Variants in TAOK1 observed in about 807,000 individuals in gnomAD.
TAOK1 encodes the protein TAO kinase 1, also known as serine/threonine-protein kinase TAO1.
In TAOK1, 21 loss-of-function variants were observed where a neutral mutation model predicts 138.3. That is an observed-to-expected ratio of 0.15 (90% CI 0.11 to 0.22). TAOK1 has a LOEUF of 0.22. TAOK1 is among the 10% of genes least tolerant of loss of function. The pLI, the probability that TAOK1 is intolerant of heterozygous loss-of-function variation, is 1.00. For synonymous variants in TAOK1, 361 were observed against 398.4 expected (o/e 0.91, Z 1.12); for missense variants, 651 against 1,227.7 (o/e 0.53, Z 7.02).
chr17:29,448,495 T>G (rs1328831236), intron 1 of TAOK1, among the ~76,000 whole-genome samples: 3 of 152,172 alleles, frequency 2.0e-5, no homozygotes, highest in Non-Finnish European at 4.4e-5. Context: ...TGTTTCTGGG[T>G]CTTTTAGGTT....
intron 1 of TAOK1, among the ~76,000 whole-genome samples, chr17:29,422,292 C>T (rs1419562217): frequency 1.3e-5 from 2 of 152,054 alleles, no homozygotes; most frequent in African/African-American, 4.8e-5. Flanking sequence ...CCATCCCCAA[C>T]TCCTGGGTTT....
At chr17:29,399,554 A>G (rs1399880048) in intron 1 of TAOK1, among the ~76,000 whole-genome samples, 1 of 151,430 alleles carries the variant, frequency 6.6e-6, no homozygotes, top group East Asian at 2.0e-4. Context: ...TGACCTCGTG[A>G]TCTGCCCGCC....
intron 19 of TAOK1, 134 bp from the exon 20 acceptor site, chr17:29,542,427 A>G: frequency 4.2e-6 from 3 of 715,608 alleles, no homozygotes; most frequent in Non-Finnish European, 6.1e-6. Flanking sequence ...GAAAAAGTTT[A>G]AATAAAATTT....
At chr17:29,396,002 A>T (rs180998199) in intron 1 of TAOK1, among the ~76,000 whole-genome samples, 2 of 151,992 alleles carry the variant, frequency 1.3e-5, no homozygotes, top group African/African-American at 4.8e-5. Context: ...GTTGGATTTT[A>T]AAAATTATTC....
chr17:29,474,796 A>G (rs961613083), intron 3 of TAOK1, among the ~76,000 whole-genome samples: 1 of 152,138 alleles, frequency 6.6e-6, no homozygotes, highest in Non-Finnish European at 1.5e-5. Flanking sequence ...GCTATTGGAA[A>G]AATGGTGCTG....
intron 19 of TAOK1, among the ~76,000 whole-genome samples, 163 bp downstream of exon 19, chr17:29,534,463 AT>A (rs1359736036): frequency 6.6e-6 from 1 of 152,226 alleles, no homozygotes; most frequent in Non-Finnish European, 1.5e-5. Context: ...AAAATTACTG[AT>A]TCACTGATGA....
Position 29,548,210 on chromosome 17 carries a change from A to G in TAOK1, c.*5188A>G, listed in dbSNP as rs1276430473. 6.6e-6 allele frequency: 1 copy of G among 152,156 alleles called. No homozygotes were observed. Among genetic ancestry groups the G allele is most frequent in the African/African-American group, 2.4e-5 (1 of 41,450 alleles). 9.4% of individuals were successfully genotyped at this position (152,156 alleles called of 1,614,324 possible). A position where few individuals can be genotyped will look rare whatever the true frequency, so the allele number is the denominator to read the frequency against. On this transcript the variant is annotated 3_prime_UTR_variant, in exon 20 of 20. Coordinates refer to ENST00000261716, the MANE Select transcript of TAOK1 (RefSeq NM_020791.4). The stretch of plus-strand genomic sequence containing the variant: ...TTAGCTTAACGGTAGTCTTTAGATC[A>G]TAAGAAATATATAAATTAGTATGCA...
At chr17:29,516,906 C>T (rs1319568580) in intron 15 of TAOK1, among the ~76,000 whole-genome samples, 8 of 151,804 alleles carry the variant, frequency 5.3e-5, no homozygotes. Flanking sequence ...CACTGCAACC[C>T]CTGCCTCCTG....
intron 15 of TAOK1, among the ~76,000 whole-genome samples, chr17:29,516,441 G>A (rs898572260): frequency 6.1e-5 from 9 of 147,232 alleles, no homozygotes; most frequent in Non-Finnish European, 1.1e-4. Flanking sequence ...TTCAAGCAAC[G>A]CTCCTGCCTC....
Position 29,542,928 on chromosome 17 carries a change from G to A in TAOK1, c.2912G>A (p.Arg971Gln), listed in dbSNP as rs772280663. ...GVRNSPQALR[R>Q]TASGGRTEQG... is the part of the protein sequence containing the mutation. ...CGCAATAGCCCCCAGGCTCTGAGGC[G>A]GACAGCTTCTGGGGGACGGACGGAG... The change falls in exon 20 of 20, where the codon CGG becomes CAG. Residue 971 changes from arginine (R) to glutamine (Q), a missense_variant. Physicochemically the swap from Arg to Gln is conservative, Grantham distance 43 (BLOSUM62 1). Around this residue, in one of 8 missense-constraint regions of TAOK1, gnomAD observed 108 missense variants for 120.3 expected, o/e 0.90. Coordinates refer to ENST00000261716, the MANE Select transcript of TAOK1 (RefSeq NM_020791.4). 16 of 1,613,574 alleles carry A rather than the reference G, an allele frequency of 9.9e-6. No homozygotes were observed. The highest frequency in any genetic ancestry group is 1.6e-4 in the Middle Eastern group (1 of 6,084).
At chr17:29,409,519 G>C (rs1206858359) in intron 1 of TAOK1, among the ~76,000 whole-genome samples, 2 of 151,500 alleles carry the variant, frequency 1.3e-5, no homozygotes, top group Non-Finnish European at 2.9e-5. Flanking sequence ...ATTTTTAGTA[G>C]AGATGGGGTT....
chr17:29,410,824 G>A (rs1305275093), intron 1 of TAOK1, among the ~76,000 whole-genome samples: 14 of 149,802 alleles, frequency 9.3e-5, no homozygotes, highest in Admixed American at 3.4e-4. Flanking sequence ...TAGTAGAGAC[G>A]GGGTTTCACC....
rs1406339184 is a variant in TAOK1 at position 29,550,803 on chromosome 17, T to C, written c.*7781T>C. The C allele has an allele frequency of 6.6e-6, 1 of 152,530 alleles. No individual in the cohort carries two copies. The highest frequency in any genetic ancestry group is 1.5e-5 in the Non-Finnish European group (1 of 68,022). The allele number at this position is 152,530 out of a possible 1,614,324, so 9.4% of individuals were successfully genotyped here. Reference sequence around the variant, plus strand: ...AAACAGCATGATTTTTTTGCACATGTAGAAATTTTTTAAAAGAAAGAAATT... The same window carrying C: ...AAACAGCATGATTTTTTTGCACATGCAGAAATTTTTTAAAAGAAAGAAATT... On this transcript the variant is annotated 3_prime_UTR_variant, in exon 20 of 20. Transcript: ENST00000261716.
chr17:29,533,865 G>C (rs910206437), intron 18 of TAOK1, among the ~76,000 whole-genome samples: 27 of 150,270 alleles, frequency 1.8e-4, no homozygotes, highest in African/African-American at 6.1e-4. Context: ...GGGGATTCTA[G>C]GTTTTTCTTA....
intron 1 of TAOK1, among the ~76,000 whole-genome samples, chr17:29,421,497 T>A (rs991004347): frequency 3.3e-5 from 5 of 152,224 alleles, no homozygotes; most frequent in African/African-American, 7.2e-5. Context: ...GTATTATTTT[T>A]TCTTAGATAT....
chr17:29,451,596 A>G lies in TAOK1; in HGVS notation c.48A>G (p.Ala16=), dbSNP rs758947706. Residue 16 remains alanine (A), a synonymous_variant, in exon 2 of 20, where the codon GCA becomes GCG. Transcript: ENST00000261716. ...RAGSLKDPEI[A]ELFFKEDPEK... ...GCAGCCTGAAGGACCCTGAAATTGCAGAGCTCTTCTTCAAAGAAGATCCAG... is the reference window on the plus strand; with the variant it reads ...GCAGCCTGAAGGACCCTGAAATTGCGGAGCTCTTCTTCAAAGAAGATCCAG... 3.1e-6 allele frequency: 5 copies of G among 1,613,980 alleles called. No individual in the cohort carries two copies. The highest frequency in any genetic ancestry group is 4.2e-6 in the Non-Finnish European group (5 of 1,179,960).
intron 19 of TAOK1, among the ~76,000 whole-genome samples, chr17:29,538,414 G>A (rs181309965): frequency 6.6e-6 from 1 of 152,226 alleles, no homozygotes; most frequent in East Asian, 1.9e-4. Flanking sequence ...CATCTATAGT[G>A]CTTCAAGATG....
chr17:29,532,034 G>C (rs2032122943), intron 18 of TAOK1, among the ~76,000 whole-genome samples: 1 of 151,862 alleles, frequency 6.6e-6, no homozygotes, highest in Admixed American at 6.6e-5. Context: ...CTAATTTTTT[G>C]TATTTTTAGT....
intron 1 of TAOK1, among the ~76,000 whole-genome samples, chr17:29,406,384 G>A (rs116993302): frequency 0.013 from 1,924 of 151,818 alleles, 33 homozygotes; most frequent in Non-Finnish European, 0.016. Flanking sequence ...AAGTACAAAG[G>A]GTATTATATA....
Sources: allele counts gnomAD v4.1 joint callset (sites outside exome capture counted in the v4.1 genomes callset), GRCh38; gene constraint gnomAD v4.1.1; regional missense constraint gnomAD v4.1.1; transcripts MANE v1.5; gene names NCBI Gene and HGNC (gene_info 2026-07-23, HGNC 2026-07-21).